PRIM1: variants seen among roughly 807,000 people sequenced by gnomAD.
PRIM1 encodes DNA primase subunit 1.
In PRIM1, 38 loss-of-function variants were observed where a neutral mutation model predicts 60.2. That is an observed-to-expected ratio of 0.63 (90% CI 0.49 to 0.83). The LOEUF is 0.83. Among genes scored for constraint, PRIM1 ranks in the 40% least tolerant of loss-of-function variants. PRIM1 has a pLI of 0.00. For synonymous variants in PRIM1, 158 were observed against 160.2 expected (o/e 0.99, Z 0.10); for missense variants, 388 against 506.2 (o/e 0.77, Z 2.24).
intron 7 of PRIM1, chr12:56,742,080 C>A: frequency 4.3e-6 from 2 of 469,724 alleles, no homozygotes; most frequent in Non-Finnish European, 7.8e-6. Flanking sequence ...TGGTGAAACC[C>A]CATCTCTACT....
At position 56,741,521 on chromosome 12, in the gene PRIM1, T is replaced by G; in HGVS notation, c.896A>C (p.Gln299Pro). 6.2e-7 allele frequency: 1 copy of G among 1,613,702 alleles called. No individual in the cohort carries two copies. The highest frequency in any genetic ancestry group is 8.5e-7 in the Non-Finnish European group (1 of 1,179,716). ...GPWLEWEIML[Q>P]YCFPRLDINV... is the part of the protein sequence containing the mutation. ...GATATCCAGCCGTGGAAAACAGTACTGGAGCATAATCTCCCACTCCAGCCA... is the reference window on the plus strand; with the variant it reads ...GATATCCAGCCGTGGAAAACAGTACGGGAGCATAATCTCCCACTCCAGCCA... Residue 299 changes from glutamine (Q) to proline (P), a missense_variant, in exon 9 of 13, where the codon CAG becomes CCG. Physicochemically the swap from Gln to Pro is moderately conservative, Grantham distance 76 (BLOSUM62 -1). Coordinates refer to ENST00000338193, the MANE Select transcript of PRIM1 (RefSeq NM_000946.3).
intron 5 of PRIM1, among the ~76,000 whole-genome samples, chr12:56,745,678 T>G (rs1164388671): frequency 6.6e-6 from 1 of 151,928 alleles, no homozygotes. Context: ...GTGGCTCATG[T>G]CTGTAATCCC....
intron 12 of PRIM1, among the ~76,000 whole-genome samples, chr12:56,732,290 T>C (rs1953789971): frequency 6.6e-6 from 1 of 152,226 alleles, no homozygotes; most frequent in Non-Finnish European, 1.5e-5. Context: ...CTACTGTACC[T>C]GACACTTGAT....
At chr12:56,731,983 C>T (rs1953788252) in intron 12 of PRIM1, among the ~76,000 whole-genome samples, 2 of 152,154 alleles carry the variant, frequency 1.3e-5, no homozygotes, top group African/African-American at 4.8e-5. Context: ...TGTTGTTCAT[C>T]CAATAATCAC....
rs1953804408 is a variant in PRIM1, at chr12:56,734,050, T to C, written c.1243+97A>G. 4.0e-6 allele frequency: 3 copies of C among 747,698 alleles called. No homozygotes were observed. In the South Asian group the frequency reaches 5.8e-5, roughly 14 times the overall value. The allele number at this position is 747,698 out of a possible 1,614,324, so 46.3% of individuals were successfully genotyped here. ...GGATAGTAAGATAAATCTGTAAATT[T>C]TGGGAGGAGGGCAAAGAAAGACTAG... On this transcript the variant is annotated intron_variant, in intron 12 of 12. Transcript: ENST00000338193.
intron 9 of PRIM1, among the ~76,000 whole-genome samples, chr12:56,740,852 T>C (rs958823580): frequency 2.0e-5 from 3 of 152,082 alleles, no homozygotes; most frequent in East Asian, 1.9e-4. Context: ...CTCACTCTGT[T>C]GCCCAGGCTG....
chr12:56,746,104 C>T lies in PRIM1; in HGVS notation c.520G>A (p.Val174Ile). Residue 174 changes from valine to isoleucine, a missense_variant, in exon 5 of 13, where the codon GTT becomes ATT. Transcript: ENST00000338193. Reference sequence around the variant, plus strand: ...CGTACTGCAGAAGACAGTTTTCTAACTGATTCATCACAGACCCAACAATGA... The same window carrying T: ...CGTACTGCAGAAGACAGTTTTCTAATTGATTCATCACAGACCCAACAATGA... ...GVHCWVCDES[V>I]RKLSSAVRSG... 6.2e-7 allele frequency: 1 copy of T among 1,613,618 alleles called. No homozygotes were observed. Among genetic ancestry groups the T allele is most frequent in the South Asian group, 1.1e-5 (1 of 91,046 alleles).
chr12:56,740,642 T>A (rs1184745091), intron 9 of PRIM1, among the ~76,000 whole-genome samples: 1 of 152,070 alleles, frequency 6.6e-6, no homozygotes, highest in Admixed American at 6.6e-5. Context: ...TGGTAGCACA[T>A]GCCTGTAGTA....
At chr12:56,749,317 A>AT (rs1260573364) in intron 2 of PRIM1, among the ~76,000 whole-genome samples, 2 of 152,192 alleles carry the variant, frequency 1.3e-5, no homozygotes, top group Non-Finnish European at 2.9e-5. Context: ...CTGGTAGCAG[A>AT]TTTTTTAAAA....
At chr12:56,732,190 G>A (rs973243789) in intron 12 of PRIM1, among the ~76,000 whole-genome samples, 8 of 151,920 alleles carry the variant, frequency 5.3e-5, no homozygotes, top group Admixed American at 3.9e-4. Context: ...ATGCTCATAT[G>A]TCTCCCATTT....
At position 56,751,093 on chromosome 12, in the gene PRIM1, T is replaced by A. The variant is rs1217042626; in HGVS notation, c.206A>T (p.Glu69Val). The change falls in exon 2 of 13, where the codon GAG becomes GTG. Residue 69 changes from glutamate (E) to valine (V), a missense_variant. Physicochemically the swap from Glu to Val is moderately radical, Grantham distance 121. Transcript: ENST00000338193. ...CTTGTATGGATTCATTTTCTGCATC[T>A]CCTTTTCCAGATCACTCTGGTTGTT... ...SFNNQSDLEK[E>V]MQKMNPYKID... The A allele has an allele frequency of 1.9e-6, 3 of 1,600,284 alleles. No individual in the cohort carries two copies. The African/African-American group carries it at 4.0e-5, about 21-fold the overall frequency.
intron 6 of PRIM1, 117 bp from the exon 7 acceptor site, chr12:56,743,213 T>A: frequency 8.2e-7 from 1 of 1,224,102 alleles, no homozygotes; most frequent in Non-Finnish European, 1.1e-6. Flanking sequence ...TTTCAGAACT[T>A]AACTAGGTAA....
intron 7 of PRIM1, among the ~76,000 whole-genome samples, chr12:56,742,258 C>T (rs1953877775): frequency 6.6e-6 from 1 of 150,528 alleles, no homozygotes; most frequent in Non-Finnish European, 1.5e-5. Flanking sequence ...ATCTCAACAA[C>T]AAAACAACCC....
At chr12:56,738,579 G>A (rs1286993861) in intron 10 of PRIM1, 54 bp from the exon 11 acceptor site, 1 of 1,525,604 alleles carries the variant, frequency 6.6e-7, no homozygotes, top group Admixed American at 2.0e-5. Flanking sequence ...TTGAGACGGA[G>A]TCTTGCTCTG....
intron 1 of PRIM1, among the ~76,000 whole-genome samples, chr12:56,751,966 GTTTTTTTTTTTTT>G (rs66861394): frequency 4.5e-4 from 36 of 79,348 alleles, no homozygotes; most frequent in South Asian, 1.0e-3. Flanking sequence ...CGGCGGCTCT[GTTTTTTTTTTTTT>G]TTTTTTTTTT....
At position 56,744,097 on chromosome 12, in the gene PRIM1, A is replaced by C; in HGVS notation, c.606T>G (p.Val202=). ...VKGGQDVKKK[V]HLSEKIHPFI... ...AAGGGTGAATTTTTTCACTTAGGTG[A>C]ACTTTCTTTTTAACGTCTTGACCAC... is the stretch of plus-strand genomic sequence containing the variant. The change falls in exon 6 of 13, where the codon GTT becomes GTG. Residue 202 remains valine (V), a synonymous_variant. Transcript: ENST00000338193. 1 of 1,571,258 alleles carries C rather than the reference A, an allele frequency of 6.4e-7. No homozygotes were observed. The highest frequency in any genetic ancestry group is 1.2e-5 in the South Asian group (1 of 85,586).
chr12:56,737,426 C>T lies in PRIM1; in HGVS notation c.1144+1008G>A, dbSNP rs147669141. ...GTGCAATGGCGTGATCTTGGCTCAC[C>T]GCAACCTCCACCTCCTGAGTTCAAG... On this transcript the variant is annotated intron_variant, in intron 11 of 12. Transcript: ENST00000338193. 8.8e-3 allele frequency among the ~76,000 whole-genome samples: 1,323 copies of T among 150,818 alleles called. 11 individuals are homozygous for T. The highest frequency in any genetic ancestry group is 0.031 in the Middle Eastern group (9 of 286).
At chr12:56,740,174 A>G (rs1466947445) in intron 9 of PRIM1, among the ~76,000 whole-genome samples, 3 of 151,864 alleles carry the variant, frequency 2.0e-5, no homozygotes, top group Non-Finnish European at 4.4e-5. Context: ...ACAAAAACCA[A>G]TAAGCAAATG....
Position 56,746,049 on chromosome 12 carries a change from A to G in PRIM1, c.575T>C (p.Val192Ala), listed in dbSNP as rs1474068945. Reference sequence around the variant, plus strand: ...TTAGAATTAAGAGGATCTTACCTTTACAAGGCTCAAATACTCAACTATCCC... The same window carrying G: ...TTAGAATTAAGAGGATCTTACCTTTGCAAGGCTCAAATACTCAACTATCCC... ...RSGIVEYLSL[V>A]KGGQDVKKKV... Residue 192 changes from valine (V) to alanine (A), a missense_variant, in exon 5 of 13, where the codon GTA becomes GCA. Physicochemically the swap from Val to Ala is moderately conservative, Grantham distance 64. Coordinates refer to ENST00000338193, the MANE Select transcript of PRIM1 (RefSeq NM_000946.3). 1.9e-6 allele frequency: 3 copies of G among 1,603,892 alleles called. No individual in the cohort carries two copies. The African/African-American group carries it at 4.0e-5, about 22-fold the overall frequency.
Sources: gnomAD v4.1 joint callset for allele counts (sites outside exome capture counted in the v4.1 genomes callset) on GRCh38, gnomAD v4.1.1 for gene constraint, MANE v1.5 for transcripts, NCBI Gene and HGNC (gene_info 2026-07-23, HGNC 2026-07-21) for gene names.